NTM: variants seen among roughly 807,000 people sequenced by gnomAD.
NTM encodes the protein IgLON family member 2.
A neutral mutation model predicts 42.1 loss-of-function variants in NTM; 13 were observed. That is an observed-to-expected ratio of 0.31 (90% CI 0.20 to 0.49). The LOEUF (loss-of-function observed/expected upper bound fraction) is 0.49. Ranked by LOEUF, NTM falls within the 20% of genes least tolerant of loss-of-function variation. NTM has a pLI of 0.99. For missense variants in NTM, 373 were observed against 452.8 expected, an observed-to-expected ratio of 0.82 and a Z score of 1.60; for synonymous variants, 187 against 179.2, an observed-to-expected ratio of 1.04 and a Z score of -0.35.
At chr11:131,869,796 C>T (rs765112577) in intron 1 of NTM, among the ~76,000 whole-genome samples, 1 of 152,136 alleles carries the variant, frequency 6.6e-6, no homozygotes, top group Non-Finnish European at 1.5e-5. Context: ...GAAATGGAAG[C>T]AAATCTTAAG....
Position 132,182,347 on chromosome 11 carries a change from T to A in NTM, c.401-29675T>A, listed in dbSNP as rs189965662. On this transcript the variant is annotated intron_variant, in intron 3 of 8. Transcript: ENST00000683400. ...TAAACAGTGATGTACTAGCTAAGGT[T>A]GCATGCTCCAGTGTCTGATCACCTG... Among the ~76,000 whole-genome samples the A allele has an allele frequency of 8.7e-4, 132 of 152,318 alleles. 1 individual carries two copies. Among genetic ancestry groups the A allele is most frequent in the Non-Finnish European group, 1.4e-3 (98 of 68,032 alleles).
At chr11:131,550,380 G>A (rs1215465946) in intron 1 of NTM, among the ~76,000 whole-genome samples, 1 of 152,156 alleles carries the variant, frequency 6.6e-6, no homozygotes, top group East Asian at 1.9e-4. Context: ...TGTCAAATTG[G>A]AATCCCCAGT....
rs142528347 is a variant in NTM at position 132,115,777 on chromosome 11, G to A, written c.168-30505G>A. 1.8e-3 allele frequency among the ~76,000 whole-genome samples: 269 copies of A among 152,276 alleles called. 1 individual carries two copies. The highest frequency in any genetic ancestry group is 6.3e-3 in the African/African-American group (261 of 41,548). ...GATGTTGCGTTCCTCTCCCTTCATTGATTATCACTCAAACCTTGTAGGAGC... is the reference window on the plus strand; with the variant it reads ...GATGTTGCGTTCCTCTCCCTTCATTAATTATCACTCAAACCTTGTAGGAGC... On this transcript the variant is annotated intron_variant, in intron 2 of 8. Coordinates refer to ENST00000683400, the MANE Select transcript of NTM (RefSeq NM_001352005.2).
At chr11:132,317,660 A>AC in intron 7 of NTM, 1 of 1,303,474 alleles carries the variant, frequency 7.7e-7, no homozygotes, top group South Asian at 1.2e-5. Flanking sequence ...TTTAGAACTA[A>AC]ATGAGCCTAC....
At position 132,319,874 on chromosome 11, in the gene NTM, G is replaced by C. The variant is rs983669545; in HGVS notation, c.934+5171G>C. Among the ~76,000 whole-genome samples the C allele has an allele frequency of 3.3e-5, 5 of 152,246 alleles. No homozygotes were observed. In the South Asian group the frequency reaches 1.0e-3, roughly 32 times the overall value. Reference sequence around the variant, plus strand: ...CTAACGGGAGGCACCCCCCAGTAGGGGCAGACTGACACCTCACACAGCCGG... The same window carrying C: ...CTAACGGGAGGCACCCCCCAGTAGGCGCAGACTGACACCTCACACAGCCGG... On this transcript the variant is annotated intron_variant, in intron 7 of 8. Transcript: ENST00000683400.
intron 1 of NTM, among the ~76,000 whole-genome samples, chr11:131,383,496 G>T (rs969672446): frequency 2.6e-5 from 4 of 152,170 alleles, no homozygotes; most frequent in Non-Finnish European, 4.4e-5. Flanking sequence ...AGAGAGATGA[G>T]TGTTACAAGT....
At chr11:131,630,129 C>A (rs769871600) in intron 1 of NTM, among the ~76,000 whole-genome samples, 8 of 152,074 alleles carry the variant, frequency 5.3e-5, no homozygotes, top group Non-Finnish European at 1.5e-5. Context: ...GGAGCTTAAT[C>A]ACACGGCTCC....
chr11:131,881,652 G>A (rs925514066), intron 1 of NTM, among the ~76,000 whole-genome samples: 1 of 152,092 alleles, frequency 6.6e-6, no homozygotes, highest in Non-Finnish European at 1.5e-5. Flanking sequence ...TGCAGTAAGG[G>A]CATTTAGAAG....
At chr11:132,325,172 G>T (rs1010608097) in intron 7 of NTM, among the ~76,000 whole-genome samples, 6 of 152,062 alleles carry the variant, frequency 3.9e-5, no homozygotes, top group African/African-American at 1.2e-4. Context: ...TGACAAATAG[G>T]ATCTAATTAA....
chr11:131,410,005 C>T lies in NTM; in HGVS notation c.82+39117C>T, dbSNP rs538655946. Among the ~76,000 whole-genome samples, 5 of 152,108 alleles carry T rather than the reference C, an allele frequency of 3.3e-5. No individual in the cohort carries two copies. In the South Asian group the frequency reaches 1.0e-3, roughly 32 times the overall value. On this transcript the variant is annotated intron_variant, in intron 1 of 8. Transcript: ENST00000683400. Reference sequence around the variant, plus strand: ...GGCCTCTAGCTGAACAGGAAGAGGGCCTGGGAGTCAGGAAGGAAGGGTGAA... The same window carrying T: ...GGCCTCTAGCTGAACAGGAAGAGGGTCTGGGAGTCAGGAAGGAAGGGTGAA...
At chr11:131,679,487 G>T (rs2072031688) in intron 1 of NTM, among the ~76,000 whole-genome samples, 1 of 151,980 alleles carries the variant, frequency 6.6e-6, no homozygotes, top group South Asian at 2.1e-4. Context: ...AGCCGTGATT[G>T]ATTGATAATG....
intron 1 of NTM, among the ~76,000 whole-genome samples, chr11:131,736,423 C>A (rs1161669776): frequency 1.3e-5 from 2 of 152,128 alleles, no homozygotes; most frequent in Non-Finnish European, 2.9e-5. Flanking sequence ...ATAGTAGGTG[C>A]CTCTAAAAAC....
chr11:132,126,669 G>A (rs2065892505), intron 2 of NTM, among the ~76,000 whole-genome samples: 2 of 152,180 alleles, frequency 1.3e-5, no homozygotes. Context: ...AGAAAGAAAA[G>A]GAGAAAGAGG....
chr11:131,484,770 A>G (rs936973209), intron 1 of NTM, among the ~76,000 whole-genome samples: 1 of 152,138 alleles, frequency 6.6e-6, no homozygotes, highest in African/African-American at 2.4e-5. Flanking sequence ...TTCACTCCTC[A>G]TTCGTGCTGT....
intron 2 of NTM, among the ~76,000 whole-genome samples, chr11:132,017,464 T>C (rs2073621520): frequency 6.6e-6 from 1 of 152,004 alleles, no homozygotes; most frequent in Admixed American, 6.6e-5. Context: ...GACTCTTGAT[T>C]TGCTCCTGTG....
At chr11:132,159,770 A>G (rs2073927226) in intron 3 of NTM, among the ~76,000 whole-genome samples, 2 of 152,320 alleles carry the variant, frequency 1.3e-5, no homozygotes, top group African/African-American at 4.8e-5. Context: ...TGAAGAGCCT[A>G]GGTGCAGGCG....
At chr11:131,675,284 C>T (rs1348650416) in intron 1 of NTM, among the ~76,000 whole-genome samples, 1 of 152,202 alleles carries the variant, frequency 6.6e-6, no homozygotes, top group African/African-American at 2.4e-5. Context: ...TTGGCTCAAA[C>T]CCAATATATC....
intron 2 of NTM, among the ~76,000 whole-genome samples, chr11:132,034,883 A>G (rs950592766): frequency 9.9e-5 from 15 of 152,184 alleles, no homozygotes; most frequent in African/African-American, 3.6e-4. Context: ...CCCACTACTG[A>G]GGGCAGATGA....
At position 131,440,253 on chromosome 11, in the gene NTM, T is replaced by G. The variant is rs866180535; in HGVS notation, c.82+69365T>G. On this transcript the variant is annotated intron_variant, in intron 1 of 8. Transcript: ENST00000683400. Reference sequence around the variant, plus strand: ...CTTTATTATTCTCTGCTTATTGTTATTTATTTATTTTTCTGTTGAGAGGTG... The same window carrying G: ...CTTTATTATTCTCTGCTTATTGTTAGTTATTTATTTTTCTGTTGAGAGGTG... Among the ~76,000 whole-genome samples the G allele has an allele frequency of 5.9e-5, 9 of 152,128 alleles. 1 individual carries two copies. The highest frequency in any genetic ancestry group is 8.8e-5 in the Non-Finnish European group (6 of 68,020).
Sources: gnomAD v4.1 joint callset for allele counts (sites outside exome capture counted in the v4.1 genomes callset) on GRCh38, gnomAD v4.1.1 for gene constraint, MANE v1.5 for transcripts, NCBI Gene and HGNC (gene_info 2026-07-23, HGNC 2026-07-21) for gene names.